JAKMIP1: variants seen among roughly 807,000 people sequenced by gnomAD.
JAKMIP1 encodes janus kinase and microtubule interacting protein 1, also known as janus kinase and microtubule-interacting protein 1.
Under a neutral mutation model 113.0 loss-of-function variants are expected in JAKMIP1, and 33 were observed. That is an observed-to-expected ratio of 0.29 (90% CI 0.22 to 0.39). The LOEUF (loss-of-function observed/expected upper bound fraction) is 0.39. JAKMIP1 is among the 10% of genes least tolerant of loss of function. The pLI is 1.00. For missense variants in JAKMIP1, 813 were observed against 1,080.5 expected, an observed-to-expected ratio of 0.75 and a Z score of 3.47; for synonymous variants, 480 against 459.9, an observed-to-expected ratio of 1.04 and a Z score of -0.56.
At chr4:6,096,103 G>A (rs945720431) in intron 3 of JAKMIP1, among the ~76,000 whole-genome samples, 2 of 152,146 alleles carry the variant, frequency 1.3e-5, no homozygotes, top group African/African-American at 4.8e-5. Context: ...TCCCGGCCAA[G>A]GACACAGGAG....
chr4:6,114,372 T>A, intron 1 of JAKMIP1, among the ~76,000 whole-genome samples: 1 of 152,122 alleles, frequency 6.6e-6, no homozygotes, highest in East Asian at 1.9e-4. Flanking sequence ...AGCTGGACAT[T>A]GGATTTGGCC....
intron 1 of JAKMIP1, among the ~76,000 whole-genome samples, chr4:6,144,120 A>T (rs995278606): frequency 6.6e-6 from 1 of 151,462 alleles, no homozygotes; most frequent in African/African-American, 2.4e-5. Context: ...CCTGTATGTT[A>T]AAAAAAAAGT....
chr4:6,141,375 G>T lies in JAKMIP1; in HGVS notation c.-147-28378C>A, dbSNP rs573874015. Among the ~76,000 whole-genome samples the T allele has an allele frequency of 1.3e-5, 2 of 152,318 alleles. No individual in the cohort carries two copies. Among genetic ancestry groups the T allele is most frequent in the Non-Finnish European group, 2.9e-5 (2 of 68,038 alleles). On this transcript the variant is annotated intron_variant, in intron 1 of 20. Transcript: ENST00000409021. The surrounding 1 kb of genome is among the most constrained non-coding windows in gnomAD (Gnocchi z 9.4). ...TGCTTGAACCCGGCAGGCAGAAGTT[G>T]CAGTGAGCCGAGATCCTGCTACTGC...
chr4:6,130,982 T>C (rs1318123124), intron 1 of JAKMIP1, among the ~76,000 whole-genome samples: 1 of 152,002 alleles, frequency 6.6e-6, no homozygotes, highest in East Asian at 1.9e-4. Context: ...AAGACCAGCA[T>C]GGGCAACATG....
chr4:6,117,024 C>T (rs561022665), intron 1 of JAKMIP1, among the ~76,000 whole-genome samples: 11 of 152,306 alleles, frequency 7.2e-5, no homozygotes, highest in South Asian at 2.1e-4. Context: ...ACTTGCATGA[C>T]GGCAACAGCA....
At chr4:6,130,188 G>T (rs894632446) in intron 1 of JAKMIP1, among the ~76,000 whole-genome samples, 1 of 152,256 alleles carries the variant, frequency 6.6e-6, no homozygotes, top group African/African-American at 2.4e-5. Flanking sequence ...CTATATAAGA[G>T]GAAGGGAGGC....
chr4:6,043,467 C>G (rs1026699107), intron 16 of JAKMIP1, among the ~76,000 whole-genome samples: 1 of 152,016 alleles, frequency 6.6e-6, no homozygotes, highest in African/African-American at 2.4e-5. Flanking sequence ...CCCTCCCTAC[C>G]CTCTCTGAAA....
rs11942780 is a variant in JAKMIP1 at position 6,061,529 on chromosome 4, G to C, written c.1560+783C>G. Among the ~76,000 whole-genome samples, 13,329 of 152,298 alleles carry C rather than the reference G, an allele frequency of 0.088. 1,836 individuals are homozygous for C. Among genetic ancestry groups the C allele is most frequent in the African/African-American group, 0.29 (12,136 of 41,528 alleles). ...GTGGAATTCCCAAACAGGGCTCTGA[G>C]AAAGAGCACAGGCCCTGAGTCCGAG... is the stretch of plus-strand genomic sequence containing the variant. On this transcript the variant is annotated intron_variant, in intron 10 of 20. Transcript: ENST00000409021. This position sits in a 1 kb window ranked among gnomAD's most constrained non-coding sequence, Gnocchi z 5.3.
chr4:6,181,306 G>C lies in JAKMIP1; in HGVS notation c.-148+18947C>G, dbSNP rs1725989967. On this transcript the variant is annotated intron_variant, in intron 1 of 20. Transcript: ENST00000409021. This position sits in a 1 kb window ranked among gnomAD's most constrained non-coding sequence, Gnocchi z 5.4. The stretch of plus-strand genomic sequence containing the variant: ...AGGGTGGAGGGGAGGGTCATGCTGA[G>C]AGAGGAAGAGACCAGGGGCTCGAAG... Among the ~76,000 whole-genome samples, 1 of 152,202 alleles carries C rather than the reference G, an allele frequency of 6.6e-6. No homozygotes were observed. Among genetic ancestry groups the C allele is most frequent in the African/African-American group, 2.4e-5 (1 of 41,448 alleles).
rs189504853 is a variant in JAKMIP1, at chr4:6,088,125, A to G, written c.625-2496T>C. ...CTCAACACATGCTGAGCTGAGCGCT[A>G]TCAGTGGGTGCTGAGAAACATTAGA... On this transcript the variant is annotated intron_variant, in intron 3 of 20. Transcript: ENST00000409021. This position sits in a 1 kb window ranked among gnomAD's most constrained non-coding sequence, Gnocchi z 5.5. 4.1e-3 allele frequency among the ~76,000 whole-genome samples: 622 copies of G among 152,338 alleles called. 1 individual carries two copies. The highest frequency in any genetic ancestry group is 0.014 in the African/African-American group (597 of 41,582).
intron 2 of JAKMIP1, among the ~76,000 whole-genome samples, chr4:6,111,357 C>G (rs1714907942): frequency 6.6e-6 from 1 of 152,316 alleles, no homozygotes; most frequent in Non-Finnish European, 1.5e-5. Flanking sequence ...TCTCCATGCT[C>G]TTTCTGTGCT....
chr4:6,197,137 T>C lies in JAKMIP1; in HGVS notation c.-148+3116A>G, dbSNP rs996474485. The stretch of plus-strand genomic sequence containing the variant: ...GGTTAAGTGCTGATATTTCCTTACG[T>C]GGCCCTCATTCCCCTTATCCAGACA... On this transcript the variant is annotated intron_variant, in intron 1 of 20. Coordinates refer to ENST00000409021, the MANE Select transcript of JAKMIP1 (RefSeq NM_001099433.2). This position sits in a 1 kb window ranked among gnomAD's most constrained non-coding sequence, Gnocchi z 6.5. Among the ~76,000 whole-genome samples the C allele has an allele frequency of 6.6e-6, 1 of 152,130 alleles. No homozygotes were observed. The highest frequency in any genetic ancestry group is 2.4e-5 in the African/African-American group (1 of 41,422).
At position 6,139,493 on chromosome 4, in the gene JAKMIP1, C is replaced by G. The variant is rs908691412; in HGVS notation, c.-147-26496G>C. Reference sequence around the variant, plus strand: ...TACAAAAAGAAGAAATGGGGCTGGTCGTGGTGGCTCACGCCTGTAACCCCA... The same window carrying G: ...TACAAAAAGAAGAAATGGGGCTGGTGGTGGTGGCTCACGCCTGTAACCCCA... On this transcript the variant is annotated intron_variant, in intron 1 of 20. Coordinates refer to ENST00000409021, the MANE Select transcript of JAKMIP1 (RefSeq NM_001099433.2). This position sits in a 1 kb window ranked among gnomAD's most constrained non-coding sequence, Gnocchi z 5.2. Among the ~76,000 whole-genome samples, 1 of 151,924 alleles carries G rather than the reference C, an allele frequency of 6.6e-6. No individual in the cohort carries two copies.
Position 6,081,544 on chromosome 4 carries a change from A to G in JAKMIP1, c.1101+65T>C. ...CCAGAACATGTGAATCGGGAGGTTC[A>G]GGGCTGAAGAATCCCAGACAGAGAA... is the stretch of plus-strand genomic sequence containing the variant. On this transcript the variant is annotated intron_variant, in intron 6 of 20. Transcript: ENST00000409021. This position sits in a 1 kb window ranked among gnomAD's most constrained non-coding sequence, Gnocchi z 4.6. 3 of 1,585,364 alleles carry G rather than the reference A, an allele frequency of 1.9e-6. No homozygotes were observed. The highest frequency in any genetic ancestry group is 1.7e-5 in the Admixed American group (1 of 59,254).
chr4:6,087,335 T>C (rs1578196698), intron 3 of JAKMIP1, among the ~76,000 whole-genome samples: 1 of 151,516 alleles, frequency 6.6e-6, no homozygotes, highest in Non-Finnish European at 1.5e-5. Flanking sequence ...CTGTAAAATA[T>C]GGACAATAGG....
intron 1 of JAKMIP1, among the ~76,000 whole-genome samples, chr4:6,166,772 C>T (rs551073411): frequency 2.0e-4 from 30 of 152,318 alleles, no homozygotes; most frequent in Admixed American, 7.2e-4. Context: ...TGCGCACTTT[C>T]GCTCAAATGG....
In JAKMIP1 at chr4:6,080,357, A is replaced by T. The variant is rs1437268463; in HGVS notation, c.1102-45T>A. ...GACCACCACAGGGTTACCCGCCAACAGTGTTTGTTAGGGACAGTGCTGGAG... is the reference window on the plus strand; with the variant it reads ...GACCACCACAGGGTTACCCGCCAACTGTGTTTGTTAGGGACAGTGCTGGAG... On this transcript the variant is annotated intron_variant, in intron 6 of 20. Coordinates refer to ENST00000409021, the MANE Select transcript of JAKMIP1 (RefSeq NM_001099433.2). The surrounding 1 kb of genome is among the most constrained non-coding windows in gnomAD (Gnocchi z 6.0). 1.2e-6 allele frequency: 2 copies of T among 1,601,296 alleles called. No homozygotes were observed. The highest frequency in any genetic ancestry group is 1.7e-6 in the Non-Finnish European group (2 of 1,173,432).
chr4:6,098,942 CTCA>C (rs1458850501), intron 3 of JAKMIP1, among the ~76,000 whole-genome samples: 3 of 152,188 alleles, frequency 2.0e-5, no homozygotes, highest in Admixed American at 6.5e-5. Flanking sequence ...AGCTTTTGTG[CTCA>C]TCTTCTTTGG....
rs576081202 is a variant in JAKMIP1 at position 6,044,494 on chromosome 4, G to A, written c.2029-2267C>T. Among the ~76,000 whole-genome samples, 5 of 151,906 alleles carry A rather than the reference G, an allele frequency of 3.3e-5. No homozygotes were observed. Among genetic ancestry groups the A allele is most frequent in the South Asian group, 2.1e-4 (1 of 4,750 alleles). ...GCACCCAGCACCCTGTGCCAGCCGC[G>A]GTGGCCAGCACTTCCTCAAACAAGG... is the stretch of plus-strand genomic sequence containing the variant. On this transcript the variant is annotated intron_variant, in intron 16 of 20. Transcript: ENST00000409021. The surrounding 1 kb of genome is among the most constrained non-coding windows in gnomAD (Gnocchi z 4.4).
Sources: gnomAD v4.1 joint callset for allele counts (sites outside exome capture counted in the v4.1 genomes callset) on GRCh38, gnomAD v4.1.1 for gene constraint, Gnocchi (gnomAD v3.1) non-coding constraint, MANE v1.5 for transcripts, NCBI Gene and HGNC (gene_info 2026-07-23, HGNC 2026-07-21) for gene names.